The following DOCK3 variants were observed in gnomAD, a reference collection of about 807,000 sequenced individuals.
DOCK3 encodes the protein dedicator of cytokinesis protein 3.
Under a neutral mutation model 265.6 loss-of-function variants are expected in DOCK3, and 60 were observed. That is an observed-to-expected ratio of 0.23 (90% CI 0.18 to 0.28). DOCK3 has a LOEUF of 0.28. Among genes scored for constraint, DOCK3 ranks in the 10% least tolerant of loss-of-function variants. The pLI, the probability that DOCK3 is intolerant of heterozygous loss-of-function variation, is 1.00. For missense variants in DOCK3, 1,981 were observed against 2,594.3 expected (o/e 0.76, Z 5.14); for synonymous variants, 881 against 938.0 (o/e 0.94, Z 1.11).
At chr3:51,007,055 G>A (rs2078709704) in intron 5 of DOCK3, among the ~76,000 whole-genome samples, 1 of 152,156 alleles carries the variant, frequency 6.6e-6, no homozygotes, top group Admixed American at 6.5e-5. Flanking sequence ...CCAAGTCTTT[G>A]CTATTGTGAA....
chr3:51,119,712 G>T (rs142568754), intron 9 of DOCK3, among the ~76,000 whole-genome samples: 128 of 151,814 alleles, frequency 8.4e-4, no homozygotes, highest in African/African-American at 3.0e-3. Context: ...TCAGTAAGTT[G>T]ATCTTCAGTC....
At position 51,022,652 on chromosome 3, in the gene DOCK3, C is replaced by G. The variant is rs189431966; in HGVS notation, c.316-41796C>G. Among the ~76,000 whole-genome samples the G allele has an allele frequency of 3.3e-5, 5 of 152,204 alleles. No individual in the cohort carries two copies. In the East Asian group the frequency reaches 7.7e-4, roughly 23 times the overall value. On this transcript the variant is annotated intron_variant, in intron 5 of 52. Transcript: ENST00000266037. ...GATGTATAGTTTGCAAGTATTTTCT[C>G]CCATTCTATAGGTTTCTTGTTTACT...
intron 5 of DOCK3, among the ~76,000 whole-genome samples, chr3:51,010,374 A>T (rs2078894394): frequency 6.6e-6 from 1 of 152,090 alleles, no homozygotes; most frequent in East Asian, 1.9e-4. Flanking sequence ...ATTATATAAT[A>T]GTCTTCTTTG....
intron 33 of DOCK3, 31 bp from the exon 34 acceptor site, chr3:51,332,970 C>T: frequency 6.2e-7 from 1 of 1,613,876 alleles, no homozygotes; most frequent in Non-Finnish European, 8.5e-7. Flanking sequence ...TCAGTAACCT[C>T]CTTATCTTTG....
chr3:51,023,429 GT>G (rs1367319799), intron 5 of DOCK3, among the ~76,000 whole-genome samples: 3 of 151,840 alleles, frequency 2.0e-5, no homozygotes, highest in Non-Finnish European at 2.9e-5. Context: ...TGTTCTTGTT[GT>G]TTTTTGAGAC....
intron 27 of DOCK3, among the ~76,000 whole-genome samples, chr3:51,308,546 G>A (rs904032301): frequency 6.6e-6 from 1 of 151,892 alleles, no homozygotes; most frequent in African/African-American, 2.4e-5. Flanking sequence ...TAAGGTCATA[G>A]ATCAACAGGA....
chr3:50,688,687 T>G (rs768694745), intron 1 of DOCK3, among the ~76,000 whole-genome samples: 3 of 152,158 alleles, frequency 2.0e-5, no homozygotes. Flanking sequence ...GGTCTCAAAC[T>G]CCTGACCTCA....
chr3:50,736,928 G>A (rs1347182080), intron 1 of DOCK3, among the ~76,000 whole-genome samples: 8 of 151,982 alleles, frequency 5.3e-5, no homozygotes, highest in East Asian at 1.9e-4. Context: ...TCCTGACCTC[G>A]TGATCCACCC....
intron 2 of DOCK3, among the ~76,000 whole-genome samples, chr3:50,795,809 A>C (rs1042689901): frequency 3.3e-5 from 5 of 152,128 alleles, no homozygotes; most frequent in African/African-American, 7.2e-5. Context: ...GCATTATCAA[A>C]TTCTTGTAGT....
intron 5 of DOCK3, among the ~76,000 whole-genome samples, chr3:51,060,390 T>G (rs961096170): frequency 6.6e-6 from 1 of 152,142 alleles, no homozygotes; most frequent in African/African-American, 2.4e-5. Flanking sequence ...CAAAAGCTCT[T>G]TAGTTTAATT....
chr3:50,955,271 T>C (rs2076699141), intron 5 of DOCK3, among the ~76,000 whole-genome samples: 1 of 152,184 alleles, frequency 6.6e-6, no homozygotes, highest in Non-Finnish European at 1.5e-5. Flanking sequence ...TGGAGAGCAG[T>C]GTGGCAATTC....
intron 2 of DOCK3, among the ~76,000 whole-genome samples, chr3:50,823,698 G>T (rs886702236): frequency 1.3e-5 from 2 of 152,186 alleles, no homozygotes; most frequent in Non-Finnish European, 2.9e-5. Context: ...CCCAGACGGG[G>T]TGGTGGCCGG....
intron 24 of DOCK3, among the ~76,000 whole-genome samples, chr3:51,273,365 T>C (rs771560360): frequency 1.3e-5 from 2 of 152,166 alleles, no homozygotes; most frequent in Admixed American, 6.5e-5. Context: ...CAAAATTTCA[T>C]TTGCATCTCA....
chr3:51,222,018 T>A (rs1288258355), intron 14 of DOCK3, among the ~76,000 whole-genome samples: 1 of 152,204 alleles, frequency 6.6e-6, no homozygotes, highest in African/African-American at 2.4e-5. Flanking sequence ...CACTTGGTGA[T>A]TTTTTAAAAA....
At chr3:50,938,721 T>C (rs1158047265) in intron 5 of DOCK3, among the ~76,000 whole-genome samples, 1 of 151,902 alleles carries the variant, frequency 6.6e-6, no homozygotes, top group Non-Finnish European at 1.5e-5. Flanking sequence ...AATGAAAATA[T>C]ATTAAAATTT....
At chr3:51,147,489 C>G (rs969335514) in intron 10 of DOCK3, among the ~76,000 whole-genome samples, 2 of 152,182 alleles carry the variant, frequency 1.3e-5, no homozygotes, top group African/African-American at 4.8e-5. Context: ...TATCCCTCCC[C>G]CTGACCCCAC....
intron 32 of DOCK3, among the ~76,000 whole-genome samples, chr3:51,317,740 A>G (rs1191080053): frequency 2.6e-5 from 4 of 151,868 alleles, no homozygotes; most frequent in Admixed American, 6.6e-5. Flanking sequence ...ATGTATACAT[A>G]TATCAAAACA....
chr3:51,128,145 T>A (rs1486143122), intron 9 of DOCK3, among the ~76,000 whole-genome samples: 2 of 152,164 alleles, frequency 1.3e-5, no homozygotes, highest in Non-Finnish European at 2.9e-5. Context: ...AACTAAGACC[T>A]CTAGGCCAGC....
chr3:51,238,119 CTTTTTTTTTTTTTTTTTTTTTTTTTTTT>C (rs747331452), intron 21 of DOCK3, among the ~76,000 whole-genome samples: 3 of 47,438 alleles, frequency 6.3e-5, no homozygotes, highest in Non-Finnish European at 1.1e-4. Flanking sequence ...ATATTTACCA[CTTTTTTTTTTTTTTTTTTTTTTTTTTTT>C]TTTTTTTTTT....
Sources: gnomAD v4.1 joint callset for allele counts (sites outside exome capture counted in the v4.1 genomes callset) on GRCh38, gnomAD v4.1.1 for gene constraint, MANE v1.5 for transcripts, NCBI Gene and HGNC (gene_info 2026-07-23, HGNC 2026-07-21) for gene names.